The following PRUNE2 variants were observed in gnomAD, a reference collection of about 807,000 sequenced individuals.
PRUNE2 encodes prune homolog 2 with BCH domain.
Under a neutral mutation model 252.0 loss-of-function variants are expected in PRUNE2, and 164 were observed. That is an observed-to-expected ratio of 0.65 (90% CI 0.57 to 0.74). PRUNE2 has a LOEUF of 0.74. Among genes scored for constraint, PRUNE2 ranks in the 30% least tolerant of loss-of-function variants. The probability of loss-of-function intolerance (pLI) is 0.00; values close to 1 mark genes in which losing one functional copy is unlikely to be tolerated. For synonymous variants in PRUNE2, 1,292 were observed against 1,350.2 expected (o/e 0.96, Z 0.94); for missense variants, 3,495 against 3,711.0 (o/e 0.94, Z 1.51).
At chr9:76,756,793 A>G (rs1397581611) in intron 6 of PRUNE2, among the ~76,000 whole-genome samples, 3 of 152,128 alleles carry the variant, frequency 2.0e-5, no homozygotes, top group Admixed American at 1.3e-4. Context: ...CTCCATCACC[A>G]GGGACAGGGG....
rs150922014 is a variant in PRUNE2, at chr9:76,831,895, G to A, written c.509-5163C>T. ...AGAGCACACCTTAAATATAATCATC[G>A]GAAGGTTGAAGGTAAAAGGATAGAA... is the stretch of plus-strand genomic sequence containing the variant. On this transcript the variant is annotated intron_variant, in intron 4 of 18. Transcript: ENST00000376718. Among the ~76,000 whole-genome samples the A allele has an allele frequency of 4.4e-3, 666 of 152,096 alleles. 8 individuals carry two copies. The highest frequency in any genetic ancestry group is 0.021 in the Middle Eastern group (6 of 292).
At chr9:76,840,352 G>T (rs1324094340) in intron 4 of PRUNE2, among the ~76,000 whole-genome samples, 3 of 152,128 alleles carry the variant, frequency 2.0e-5, no homozygotes, top group Admixed American at 1.3e-4. Flanking sequence ...AAGAACCAAA[G>T]GAATCAATAT....
intron 6 of PRUNE2, among the ~76,000 whole-genome samples, chr9:76,794,100 C>T (rs2055816876): frequency 6.6e-6 from 1 of 152,146 alleles, no homozygotes; most frequent in Non-Finnish European, 1.5e-5. Context: ...ATTTATTGAG[C>T]ACTTAATATA....
chr9:76,870,915 T>G (rs2061162100), intron 1 of PRUNE2, among the ~76,000 whole-genome samples: 1 of 151,908 alleles, frequency 6.6e-6, no homozygotes, highest in East Asian at 1.9e-4. Context: ...CTCCAGGGAG[T>G]GCCATTCACA....
At chr9:76,790,285 C>T (rs2055426574) in intron 6 of PRUNE2, among the ~76,000 whole-genome samples, 1 of 152,098 alleles carries the variant, frequency 6.6e-6, no homozygotes, top group African/African-American at 2.4e-5. Flanking sequence ...GCACATGGCC[C>T]AGTTTGTTGC....
In PRUNE2 at chr9:76,847,084, T is replaced by C. The variant is rs532057976; in HGVS notation, c.345-406A>G. 3.9e-5 allele frequency among the ~76,000 whole-genome samples: 6 copies of C among 152,292 alleles called. No individual in the cohort carries two copies. The East Asian group carries it at 7.7e-4, about 20-fold the overall frequency. ...GCTCACAACTGTAATCTCAGCACTT[T>C]GGGAGGCCGAAGCAGGCGAATCATG... On this transcript the variant is annotated intron_variant, in intron 3 of 18. Coordinates refer to ENST00000376718, the MANE Select transcript of PRUNE2 (RefSeq NM_015225.3).
At chr9:76,620,743 G>A (rs72730648) in intron 17 of PRUNE2, among the ~76,000 whole-genome samples, 13,990 of 152,012 alleles carry the variant, frequency 0.092, 721 homozygotes, top group Non-Finnish European at 0.099. Flanking sequence ...TGTTGACAGC[G>A]TGCTAAAAAA....
intron 9 of PRUNE2, among the ~76,000 whole-genome samples, chr9:76,686,071 T>C (rs1251978292): frequency 6.6e-6 from 1 of 152,238 alleles, no homozygotes; most frequent in African/African-American, 2.4e-5. Flanking sequence ...TCCTGAGGGA[T>C]ACATTCAGTA....
rs1379819417 is a variant in PRUNE2, at chr9:76,710,602, C to T, written c.1672G>A (p.Ala558Thr). The T allele has an allele frequency of 1.9e-6, 3 of 1,613,484 alleles. No homozygotes were observed. In the African/African-American group the frequency reaches 4.0e-5, roughly 22 times the overall value. Residue 558 changes from alanine to threonine, a missense_variant, in exon 8 of 19, where the codon GCT (alanine) becomes ACT (threonine). By Grantham distance (58) the Ala-to-Thr change is moderately conservative. Coordinates refer to ENST00000376718, the MANE Select transcript of PRUNE2 (RefSeq NM_015225.3). The part of the protein sequence containing the change: ...NYSSSSLLSG[A>T]GKDSLVEHDE... ...TGTTCCACAAGGCTATCTTTGCCAG[C>T]CCCTGACAAAAGTGAACTGGATGAA...
intron 6 of PRUNE2, among the ~76,000 whole-genome samples, chr9:76,809,874 C>T (rs745397067): frequency 3.9e-5 from 6 of 152,222 alleles, no homozygotes; most frequent in Non-Finnish European, 7.3e-5. Flanking sequence ...TGAGTACATG[C>T]ATTCAAGCCC....
chr9:76,710,385 T>G lies in PRUNE2; in HGVS notation c.1889A>C (p.Tyr630Ser), dbSNP rs762085767. The change falls in exon 8 of 19, where the codon TAT becomes TCT. Residue 630 changes from tyrosine (Y) to serine (S), a missense_variant. Tyr to Ser is a moderately radical substitution (Grantham distance 144, BLOSUM62 -2). Coordinates refer to ENST00000376718, the MANE Select transcript of PRUNE2 (RefSeq NM_015225.3). Reference sequence around the variant, plus strand: ...TGCTTTTTGGGTCATATCTTCTGTATAGAGTGAGGCTGGTTCTTCAGTGGA... The same window carrying G: ...TGCTTTTTGGGTCATATCTTCTGTAGAGAGTGAGGCTGGTTCTTCAGTGGA... Reference protein sequence around the residue: ...SPSTEEPASLYTEDMTQKATD... With the variant: ...SPSTEEPASLSTEDMTQKATD... The G allele has an allele frequency of 5.6e-6, 9 of 1,613,894 alleles. No individual in the cohort carries two copies. The highest frequency in any genetic ancestry group is 2.2e-5 in the South Asian group (2 of 91,090).
intron 9 of PRUNE2, among the ~76,000 whole-genome samples, chr9:76,683,703 C>T (rs1043728144): frequency 1.3e-5 from 2 of 152,086 alleles, no homozygotes; most frequent in South Asian, 2.1e-4. Context: ...GAATGCATTT[C>T]GTTTATCACT....
At chr9:76,735,399 G>C (rs1039286112) in intron 6 of PRUNE2, among the ~76,000 whole-genome samples, 2 of 148,788 alleles carry the variant, frequency 1.3e-5, no homozygotes, top group African/African-American at 5.0e-5. Context: ...ATTTTATTGA[G>C]GAAGATAGTT....
intron 9 of PRUNE2, among the ~76,000 whole-genome samples, chr9:76,671,872 A>C (rs1289961510): frequency 6.6e-6 from 1 of 152,218 alleles, no homozygotes; most frequent in Non-Finnish European, 1.5e-5. Flanking sequence ...TGTCACCACC[A>C]GGCCTGCCTT....
intron 4 of PRUNE2, among the ~76,000 whole-genome samples, chr9:76,835,000 A>G (rs2058878499): frequency 6.6e-6 from 1 of 152,202 alleles, no homozygotes; most frequent in African/African-American, 2.4e-5. Flanking sequence ...GACGTACCCC[A>G]AAGTATCTTA....
At position 76,614,524 on chromosome 9, in the gene PRUNE2, C is replaced by T; in HGVS notation, c.*46G>A. ...TCTCTTTCAGGTAGATATGTTTCAA[C>T]AGAACCATGAACCAGAAAAGCATCC... On this transcript the variant is annotated 3_prime_UTR_variant, in exon 19 of 19. Transcript: ENST00000376718. The T allele has an allele frequency of 6.5e-7, 1 of 1,547,142 alleles. No homozygotes were observed. Among genetic ancestry groups the T allele is most frequent in the South Asian group, 1.1e-5 (1 of 89,450 alleles).
chr9:76,780,345 C>T (rs2054234747), intron 6 of PRUNE2, among the ~76,000 whole-genome samples: 1 of 152,052 alleles, frequency 6.6e-6, no homozygotes, highest in African/African-American at 2.4e-5. Context: ...AACTTGAAGA[C>T]AAGTTGAGAG....
At chr9:76,873,395 C>T (rs769696427) in intron 1 of PRUNE2, among the ~76,000 whole-genome samples, 5 of 152,166 alleles carry the variant, frequency 3.3e-5, no homozygotes, top group Non-Finnish European at 7.3e-5. Flanking sequence ...CTACACTCTG[C>T]CACTGTACTT....
chr9:76,851,349 C>T (rs1238446794), intron 2 of PRUNE2, among the ~76,000 whole-genome samples: 9 of 152,136 alleles, frequency 5.9e-5, no homozygotes, highest in East Asian at 1.9e-4. Context: ...AGATCGAGAC[C>T]ATCCTGGCTA....
Sources: allele counts gnomAD v4.1 joint callset (sites outside exome capture counted in the v4.1 genomes callset), GRCh38; gene constraint gnomAD v4.1.1; transcripts MANE v1.5; gene names NCBI Gene and HGNC (gene_info 2026-07-23, HGNC 2026-07-21).